TMEM184A: variants seen among roughly 807,000 people sequenced by gnomAD.
TMEM184A encodes the protein sexually dimorphic, expressed in male gonads 1.
A neutral mutation model predicts 39.5 loss-of-function variants in TMEM184A; 40 were observed. The ratio of observed to expected loss-of-function variants is 1.01; its 90% CI spans 0.79 to 1.32. The LOEUF (loss-of-function observed/expected upper bound fraction) is 1.32. Ranked by LOEUF, TMEM184A falls within the 40% of genes most tolerant of loss-of-function variation. The pLI is 0.00. For missense variants in TMEM184A, 603 were observed against 568.8 expected (o/e 1.06, Z -0.61); for synonymous variants, 280 against 252.3 (o/e 1.11, Z -1.04).
chr7:1,550,803 A>T lies in TMEM184A; in HGVS notation c.385+14T>A. 6.2e-7 allele frequency: 1 copy of T among 1,611,416 alleles called. No individual in the cohort carries two copies. The highest frequency in any genetic ancestry group is 8.5e-7 in the Non-Finnish European group (1 of 1,179,144). ...TCCCTCCGCTCCCCCGACCTGACGC[A>T]GCCTGGCGCCCACCTTCGTAGCAGT... On this transcript the variant is annotated intron_variant, in intron 3 of 8. Transcript: ENST00000297477.
Position 1,555,080 on chromosome 7 carries a change from T to G in TMEM184A, c.219+186A>C, listed in dbSNP as rs995709516. ...CTCTGCCCTCAGCCTGGCAGAGATC[T>G]CCCCATTTTCAGGCCCAGCTCCCAC... On this transcript the variant is annotated intron_variant, in intron 2 of 8. Transcript: ENST00000297477. This position sits in a 1 kb window ranked among gnomAD's most constrained non-coding sequence, Gnocchi z 5.2. Among the ~76,000 whole-genome samples the G allele has an allele frequency of 2.6e-5, 4 of 152,002 alleles. No homozygotes were observed. Among genetic ancestry groups the G allele is most frequent in the Non-Finnish European group, 5.9e-5 (4 of 67,974 alleles).
In TMEM184A at chr7:1,550,319, A is replaced by G; in HGVS notation, c.462T>C (p.Arg154=). The G allele has an allele frequency of 6.2e-7, 1 of 1,612,886 alleles. No homozygotes were observed. Among genetic ancestry groups the G allele is most frequent in the Non-Finnish European group, 8.5e-7 (1 of 1,179,780 alleles). ...GACGGGCTTACTTGATGGGCTTTCC[A>G]CGAATCTCAGCCATGATGGCGCCCT... is the stretch of plus-strand genomic sequence containing the variant. The part of the protein sequence containing the change: ...GGEGAIMAEI[R]GKPIKSSCLY... Residue 154 remains arginine (R), a synonymous_variant, in exon 4 of 9, where the codon CGT becomes CGC. Coordinates refer to ENST00000297477, the MANE Select transcript of TMEM184A (RefSeq NM_001097620.2).
chr7:1,551,142 TG>T (rs1784577088), intron 2 of TMEM184A, among the ~76,000 whole-genome samples, 160 bp from the exon 3 acceptor site: 1 of 42,318 alleles, frequency 2.4e-5, no homozygotes, highest in African/African-American at 1.0e-4. Context: ...GGGAAGGAGG[TG>T]GGGGTGGGCG....
rs1778531957 is a variant in TMEM184A, at chr7:1,555,574, A to AGTGAGAC, written c.1-97_1-91dup. On this transcript the variant is annotated intron_variant, in intron 1 of 8. Coordinates refer to ENST00000297477, the MANE Select transcript of TMEM184A (RefSeq NM_001097620.2). This position sits in a 1 kb window ranked among gnomAD's most constrained non-coding sequence, Gnocchi z 5.2. ...GGAAGCAGCGGGGGAGGGAGGAGAC[A>AGTGAGAC]GTGAGACGGGAGCTGAGGCTGAGCC... 1.0e-6 allele frequency: 1 copy of AGTGAGAC among 988,130 alleles called. No homozygotes were observed. 61.2% of individuals were successfully genotyped at this position (988,130 alleles called of 1,614,324 possible).
intron 6 of TMEM184A, 134 bp downstream of exon 6, chr7:1,549,720 G>A (rs914995248): frequency 8.3e-5 from 67 of 809,688 alleles, no homozygotes; most frequent in Non-Finnish European, 1.3e-4. Flanking sequence ...CCCACCTCAT[G>A]CCAGGTGCCC....
rs1187640956 is a variant in TMEM184A, at chr7:1,544,228, G to A, written c.*2724C>T. 1 of 152,236 alleles carries A rather than the reference G, an allele frequency of 6.6e-6. No homozygotes were observed. The highest frequency in any genetic ancestry group is 1.5e-5 in the Non-Finnish European group (1 of 68,068). 9.4% of individuals were successfully genotyped at this position (152,236 alleles called of 1,614,324 possible). Reference sequence around the variant, plus strand: ...GGGGCACAGAGCCCCAGCCCTGTGTGGGGCTCCTGGAGGCTGCGGACAGAC... The same window carrying A: ...GGGGCACAGAGCCCCAGCCCTGTGTAGGGCTCCTGGAGGCTGCGGACAGAC... On this transcript the variant is annotated 3_prime_UTR_variant, in exon 9 of 9. Coordinates refer to ENST00000297477, the MANE Select transcript of TMEM184A (RefSeq NM_001097620.2).
intron 5 of TMEM184A, 62 bp downstream of exon 5, chr7:1,550,061 C>A (rs763611543): frequency 7.9e-7 from 1 of 1,266,762 alleles, no homozygotes; most frequent in Non-Finnish European, 1.1e-6. Context: ...GGCGCTGGGC[C>A]GGCTAGGGCC....
rs1480133264 is a variant in TMEM184A at position 1,544,765 on chromosome 7, T to C, written c.*2187A>G. On this transcript the variant is annotated 3_prime_UTR_variant, in exon 9 of 9. Transcript: ENST00000297477. ...GGCCTCTGTGGAGCCGGCTGCCTGG[T>C]GTCCAAGTCCCTGCTCTGTGACCTC... 6.6e-6 allele frequency: 1 copy of C among 152,216 alleles called. No homozygotes were observed. Among genetic ancestry groups the C allele is most frequent in the African/African-American group, 2.4e-5 (1 of 41,434 alleles). The allele number at this position is 152,216 out of a possible 1,614,324, so 9.4% of individuals were successfully genotyped here.
At chr7:1,553,721 G>A (rs572803861) in intron 2 of TMEM184A, among the ~76,000 whole-genome samples, 1 of 152,142 alleles carries the variant, frequency 6.6e-6, no homozygotes. Context: ...CAGCCATCAG[G>A]AGACCTCTCC....
rs754838413 is a variant in TMEM184A, at chr7:1,550,313, C to T, written c.468G>A (p.Lys156=). 1 of 1,612,904 alleles carries T rather than the reference C, an allele frequency of 6.2e-7. No homozygotes were observed. Among genetic ancestry groups the T allele is most frequent in the Non-Finnish European group, 8.5e-7 (1 of 1,179,754 alleles). ...EGAIMAEIRG[K]PIKSSCLYGT... is the part of the protein sequence containing the mutation. ...TGGGGTGACGGGCTTACTTGATGGG[C>T]TTTCCACGAATCTCAGCCATGATGG... is the stretch of plus-strand genomic sequence containing the variant. Residue 156 remains lysine (K), a synonymous_variant, in exon 4 of 9, where the codon AAG becomes AAA. Transcript: ENST00000297477.
chr7:1,555,142 G>A lies in TMEM184A; in HGVS notation c.219+124C>T, dbSNP rs1268095821. ...TGGGGAAGCTCATCCCCTCCCCCGT[G>A]CCCTGGCCGATCCCACTTCTGACAG... On this transcript the variant is annotated intron_variant, in intron 2 of 8. Coordinates refer to ENST00000297477, the MANE Select transcript of TMEM184A (RefSeq NM_001097620.2). The surrounding 1 kb of genome is among the most constrained non-coding windows in gnomAD (Gnocchi z 5.2). The A allele has an allele frequency of 2.6e-6, 2 of 762,008 alleles. No individual in the cohort carries two copies. Among genetic ancestry groups the A allele is most frequent in the Non-Finnish European group, 4.1e-6 (2 of 493,708 alleles). 47.2% of individuals were successfully genotyped at this position (762,008 alleles called of 1,614,324 possible).
Position 1,555,304 on chromosome 7 carries a change from TC to T in TMEM184A, c.180del (p.Ile61SerfsTer76). 1.2e-6 allele frequency: 2 copies of T among 1,606,746 alleles called. No individual in the cohort carries two copies. The highest frequency in any genetic ancestry group is 1.1e-5 in the South Asian group (1 of 90,718). On this transcript the variant is annotated frameshift_variant, in exon 2 of 9. Transcript: ENST00000297477. LOFTEE classifies it high-confidence loss of function. This position sits in a 1 kb window ranked among gnomAD's most constrained non-coding sequence, Gnocchi z 5.2. ...LTSALARGVS[G>X]IFVWTALVLT... Reference sequence around the variant, plus strand: ...AGCACCAGGGCAGTCCACACGAAGATCCCCGAGACGCCTCGGGCCAGTGCGG... The same window carrying T: ...AGCACCAGGGCAGTCCACACGAAGATCCCGAGACGCCTCGGGCCAGTGCGG...
chr7:1,549,556 G>A lies in TMEM184A; in HGVS notation c.644+298C>T, dbSNP rs529595002. On this transcript the variant is annotated intron_variant, in intron 6 of 8. Transcript: ENST00000297477. ...CAGACGCTAGACTCACCCCAGCCGT[G>A]TCCTGTGAGGGGAGGTCCAGGCCCC... The A allele has an allele frequency of 8.8e-4, 473 of 537,710 alleles. 5 individuals are homozygous for A. The highest frequency in any genetic ancestry group is 7.1e-3 in the South Asian group (461 of 65,158). The allele number at this position is 537,710 out of a possible 1,614,324, so 33.3% of individuals were successfully genotyped here.
intron 2 of TMEM184A, among the ~76,000 whole-genome samples, chr7:1,551,237 C>T (rs374201730): frequency 1.0e-5 from 1 of 97,404 alleles, no homozygotes; most frequent in South Asian, 3.7e-4. Flanking sequence ...ACCCCTGCAC[C>T]AGCCCAGGTG....
At chr7:1,553,783 G>A (rs963164060) in intron 2 of TMEM184A, among the ~76,000 whole-genome samples, 62 of 152,162 alleles carry the variant, frequency 4.1e-4, no homozygotes, top group Admixed American at 2.7e-3. Flanking sequence ...TGTCCTCTCC[G>A]GCCTCGGTCC....
Position 1,546,027 on chromosome 7 carries a change from G to T in TMEM184A, c.*925C>A, listed in dbSNP as rs996333378. The stretch of plus-strand genomic sequence containing the variant: ...GCACAAGGCCCGTTTTGGAGGAAGT[G>T]GAGGCTCCCAGGAGAAAGGCAGTGG... On this transcript the variant is annotated 3_prime_UTR_variant, in exon 9 of 9. Coordinates refer to ENST00000297477, the MANE Select transcript of TMEM184A (RefSeq NM_001097620.2). 2 of 152,474 alleles carry T rather than the reference G, an allele frequency of 1.3e-5. No individual in the cohort carries two copies. The highest frequency in any genetic ancestry group is 1.3e-4 in the Admixed American group (2 of 15,292). The allele number at this position is 152,474 out of a possible 1,614,324, so 9.4% of individuals were successfully genotyped here. A position where few individuals can be genotyped will look rare whatever the true frequency, so the allele number is the denominator to read the frequency against.
In TMEM184A at chr7:1,548,424, C is replaced by G. The variant is rs936661619; in HGVS notation, c.814+95G>C. On this transcript the variant is annotated intron_variant, in intron 7 of 8. Coordinates refer to ENST00000297477, the MANE Select transcript of TMEM184A (RefSeq NM_001097620.2). ...TGCTGCAGCTGGAGAAACTGAAGCA[C>G]GTGGGGGCTGGGGAAAGGGGTGTGA... 5.0e-6 allele frequency: 7 copies of G among 1,405,286 alleles called. No individual in the cohort carries two copies. In the African/African-American group the frequency reaches 7.2e-5, roughly 14 times the overall value. 87.1% of individuals were successfully genotyped at this position (1,405,286 alleles called of 1,614,324 possible). A position where few individuals can be genotyped will look rare whatever the true frequency, so the allele number is the denominator to read the frequency against.
intron 8 of TMEM184A, among the ~76,000 whole-genome samples, chr7:1,547,489 G>A (rs1450599490): frequency 5.9e-5 from 9 of 152,162 alleles, no homozygotes; most frequent in Non-Finnish European, 8.8e-5. Context: ...ATGAGAAGCC[G>A]GCAGGCCACA....
Position 1,550,812 on chromosome 7 carries a change from C to T in TMEM184A, c.385+5G>A, listed in dbSNP as rs1161727643. 14 of 1,612,234 alleles carry T rather than the reference C, an allele frequency of 8.7e-6. No homozygotes were observed. The highest frequency in any genetic ancestry group is 4.5e-5 in the East Asian group (2 of 44,870). On this transcript the variant is annotated splice_donor_5th_base_variant and intron_variant, in intron 3 of 8. Transcript: ENST00000297477. The stretch of plus-strand genomic sequence containing the variant: ...TCCCCCGACCTGACGCAGCCTGGCG[C>T]CCACCTTCGTAGCAGTCCCGCACAG...
Sources: gnomAD v4.1 joint callset for allele counts (sites outside exome capture counted in the v4.1 genomes callset) on GRCh38, gnomAD v4.1.1 for gene constraint, Gnocchi (gnomAD v3.1) non-coding constraint, MANE v1.5 for transcripts, NCBI Gene and HGNC (gene_info 2026-07-23, HGNC 2026-07-21) for gene names.